Variants in NAA16 observed in about 807,000 individuals in gnomAD.
The protein encoded by NAA16 is NARG1-like protein.
Under a neutral mutation model 110.3 loss-of-function variants are expected in NAA16, and 97 were observed. The observed-to-expected ratio is 0.88, with a 90% CI of 0.75 to 1.04. The LOEUF is 1.04. Ranked by LOEUF, NAA16 falls within the 50% of genes least tolerant of loss-of-function variation. The probability of loss-of-function intolerance (pLI) is 0.00; values close to 1 mark genes in which losing one functional copy is unlikely to be tolerated. For synonymous variants in NAA16, 372 were observed against 330.6 expected, an observed-to-expected ratio of 1.13 and a Z score of -1.36; for missense variants, 1,017 against 1,005.1, an observed-to-expected ratio of 1.01 and a Z score of -0.16.
In NAA16 at chr13:41,375,791, GTTTA is replaced by G; in HGVS notation, c.*192_*195del. The G allele has an allele frequency of 2.0e-6, 1 of 492,276 alleles. No homozygotes were observed. Among genetic ancestry groups the G allele is most frequent in the Admixed American group, 3.7e-5 (1 of 27,316 alleles). The allele number at this position is 492,276 out of a possible 1,614,324, so 30.5% of individuals were successfully genotyped here. A position where few individuals can be genotyped will look rare whatever the true frequency, so the allele number is the denominator to read the frequency against. On this transcript the variant is annotated 3_prime_UTR_variant, in exon 20 of 20. Coordinates refer to ENST00000379406, the MANE Select transcript of NAA16 (RefSeq NM_024561.5). ...ACATAACCATCTGTTAAAATTACCT[GTTTA>G]TTCTTACACAGTTTTGTGGTAGCTC...
In NAA16 at chr13:41,336,673, G is replaced by T; in HGVS notation, c.931G>T (p.Asp311Tyr). The change falls in exon 9 of 20, where the codon GAT becomes TAT. Residue 311 changes from aspartate (D) to tyrosine (Y), a missense_variant. Physicochemically the swap from Asp to Tyr is radical, Grantham distance 160. Transcript: ENST00000379406. Reference sequence around the variant, plus strand: ...AGGTGAAAGATTTAGAGAACTAATGGATAAGTTCCTGAGGGTTAACTTCAG... The same window carrying T: ...AGGTGAAAGATTTAGAGAACTAATGTATAAGTTCCTGAGGGTTAACTTCAG... ...VPGERFRELM[D>Y]KFLRVNFSKG... 1 of 1,602,306 alleles carries T rather than the reference G, an allele frequency of 6.2e-7. No homozygotes were observed. The highest frequency in any genetic ancestry group is 8.5e-7 in the Non-Finnish European group (1 of 1,173,612).
intron 7 of NAA16, 138 bp from the exon 8 acceptor site, chr13:41,331,136 C>G (rs1593440213): frequency 3.7e-6 from 2 of 533,432 alleles, no homozygotes; most frequent in East Asian, 6.1e-5. Context: ...TTTTAAATGT[C>G]ATTTTTACCA....
intron 13 of NAA16, among the ~76,000 whole-genome samples, chr13:41,363,930 A>G (rs1484481561): frequency 1.3e-5 from 2 of 152,168 alleles, no homozygotes; most frequent in Non-Finnish European, 2.9e-5. Flanking sequence ...TATAGTTATT[A>G]TGTATATTCT....
At chr13:41,370,161 T>G (rs1323767534) in intron 15 of NAA16, among the ~76,000 whole-genome samples, 2 of 152,150 alleles carry the variant, frequency 1.3e-5, no homozygotes, top group Non-Finnish European at 2.9e-5. Flanking sequence ...CAACATAGGT[T>G]TGAATTTTGA....
intron 5 of NAA16, among the ~76,000 whole-genome samples, chr13:41,324,619 G>A (rs892969143): frequency 1.3e-5 from 2 of 150,942 alleles, no homozygotes; most frequent in African/African-American, 2.4e-5. Flanking sequence ...TGTGATCCAC[G>A]TGCCTCTGCC....
At chr13:41,359,104 A>G in intron 12 of NAA16, 142 bp downstream of exon 12, 1 of 720,234 alleles carries the variant, frequency 1.4e-6, no homozygotes, top group Non-Finnish European at 2.2e-6. Context: ...AATCCCATTT[A>G]ACCCATATCC....
intron 9 of NAA16, among the ~76,000 whole-genome samples, chr13:41,339,859 A>G (rs1449920547): frequency 6.6e-6 from 1 of 152,064 alleles, no homozygotes; most frequent in African/African-American, 2.4e-5. Flanking sequence ...GTGCCCGACT[A>G]AGTTGCATAA....
intron 9 of NAA16, among the ~76,000 whole-genome samples, chr13:41,344,133 A>G (rs537533378): frequency 6.6e-6 from 1 of 152,254 alleles, no homozygotes; most frequent in South Asian, 2.1e-4. Flanking sequence ...TTTTCTTCTC[A>G]TATTTTCTTC....
intron 8 of NAA16, among the ~76,000 whole-genome samples, chr13:41,335,779 A>G (rs1218870936): frequency 6.6e-6 from 1 of 152,096 alleles, no homozygotes; most frequent in Non-Finnish European, 1.5e-5. Flanking sequence ...TTTGTTGTGC[A>G]GTGTTGTGAT....
chr13:41,374,504 C>G (rs1593539340), intron 18 of NAA16: 2 of 301,140 alleles, frequency 6.6e-6, no homozygotes, highest in South Asian at 9.3e-5. Flanking sequence ...GGAAGAAGCT[C>G]TGATTTGTAG....
intron 16 of NAA16, 71 bp downstream of exon 16, chr13:41,372,382 C>A: frequency 2.1e-6 from 3 of 1,450,938 alleles, no homozygotes; most frequent in South Asian, 3.0e-5. Context: ...TAATCTTTGT[C>A]AGATCTATTT....
At chr13:41,372,483 A>G (rs1467310831) in intron 16 of NAA16, 172 bp downstream of exon 16, 7 of 985,116 alleles carry the variant, frequency 7.1e-6, no homozygotes, top group African/African-American at 1.7e-5. Context: ...GAATAGTACT[A>G]TCAAATCCAG....
intron 9 of NAA16, among the ~76,000 whole-genome samples, chr13:41,337,432 A>G (rs916068511): frequency 2.0e-5 from 3 of 151,316 alleles, no homozygotes; most frequent in Non-Finnish European, 4.4e-5. Flanking sequence ...AGTCCCAGCT[A>G]CCCGGAAGCT....
At chr13:41,342,283 G>A (rs1298579546) in intron 9 of NAA16, among the ~76,000 whole-genome samples, 2 of 151,990 alleles carry the variant, frequency 1.3e-5, no homozygotes, top group Admixed American at 6.6e-5. Context: ...GACTACAGGC[G>A]CACACTGCCA....
chr13:41,375,306 G>A, intron 19 of NAA16, 99 bp from the exon 20 acceptor site: 1 of 785,616 alleles, frequency 1.3e-6, no homozygotes, highest in Non-Finnish European at 2.0e-6. Flanking sequence ...GACTGAGGCA[G>A]CTTTCTCAAT....
intron 8 of NAA16, among the ~76,000 whole-genome samples, chr13:41,335,862 T>G (rs938243106): frequency 1.4e-4 from 17 of 124,626 alleles, no homozygotes; most frequent in Non-Finnish European, 2.0e-4. Context: ...TACATGTGTT[T>G]TTTTTTTTTT....
intron 9 of NAA16, among the ~76,000 whole-genome samples, chr13:41,345,574 T>A (rs1037473298): frequency 6.6e-6 from 1 of 152,184 alleles, no homozygotes; most frequent in Non-Finnish European, 1.5e-5. Flanking sequence ...GGGGTTTTTT[T>A]AGGTTTTTTC....
At chr13:41,321,052 C>T (rs900445604) in intron 4 of NAA16, among the ~76,000 whole-genome samples, 1 of 152,186 alleles carries the variant, frequency 6.6e-6, no homozygotes, top group Non-Finnish European at 1.5e-5. Flanking sequence ...GTAATCCCAG[C>T]AGTTTGGGAG....
rs778488208 is a variant in NAA16, at chr13:41,311,552, C to T, written c.24C>T (p.Pro8=). 2 of 1,608,268 alleles carry T rather than the reference C, an allele frequency of 1.2e-6. No homozygotes were observed. The highest frequency in any genetic ancestry group is 2.2e-5 in the South Asian group (2 of 89,942). Reference sequence around the variant, plus strand: ...CGATGCCGAACGTGCTGCTGCCGCCCAAGGAGAGCAACCTCTTCAAACGCA... The same window carrying T: ...CGATGCCGAACGTGCTGCTGCCGCCTAAGGAGAGCAACCTCTTCAAACGCA... The part of the protein sequence containing the change: MPNVLLP[P]KESNLFKRIL... The change falls in exon 1 of 20, where the codon CCC becomes CCT. Residue 8 remains proline, a synonymous_variant. Coordinates refer to ENST00000379406, the MANE Select transcript of NAA16 (RefSeq NM_024561.5).
Sources: gnomAD v4.1 joint callset for allele counts (sites outside exome capture counted in the v4.1 genomes callset) on GRCh38, gnomAD v4.1.1 for gene constraint, MANE v1.5 for transcripts, NCBI Gene and HGNC (gene_info 2026-07-23, HGNC 2026-07-21) for gene names.